The following RFX3 variants were observed in gnomAD, a reference collection of about 807,000 sequenced individuals.
RFX3 encodes the protein transcription factor RFX3.
Under a neutral mutation model 98.6 loss-of-function variants are expected in RFX3, and 14 were observed. The observed-to-expected ratio is 0.14, with a 90% confidence interval of 0.09 to 0.22. The LOEUF (loss-of-function observed/expected upper bound fraction) is 0.22, where lower values mean the gene tolerates loss of function less well. RFX3 is among the 10% of genes least tolerant of loss of function. RFX3 has a pLI of 1.00. For missense variants in RFX3, 639 were observed against 926.9 expected, an observed-to-expected ratio of 0.69 and a Z score of 4.03; for synonymous variants, 383 against 328.4, an observed-to-expected ratio of 1.17 and a Z score of -1.80.
At chr9:3,520,733 T>C (rs1182524679) in intron 1 of RFX3, among the ~76,000 whole-genome samples, 1 of 152,218 alleles carries the variant, frequency 6.6e-6, no homozygotes, top group Non-Finnish European at 1.5e-5. Flanking sequence ...TAAAGTGCAG[T>C]GGCATGATCA....
intron 1 of RFX3, among the ~76,000 whole-genome samples, chr9:3,411,658 G>T (rs1005794995): frequency 1.3e-4 from 19 of 143,232 alleles, no homozygotes; most frequent in South Asian, 2.2e-4. Flanking sequence ...GTGTGTGTGT[G>T]TTTTTTTTTT....
At chr9:3,363,157 G>A (rs1836654216) in intron 2 of RFX3, among the ~76,000 whole-genome samples, 1 of 152,162 alleles carries the variant, frequency 6.6e-6, no homozygotes, top group Non-Finnish European at 1.5e-5. Flanking sequence ...AAATAATACT[G>A]TGGTGACCAG....
At chr9:3,407,603 A>G (rs1170955282) in intron 1 of RFX3, among the ~76,000 whole-genome samples, 2 of 152,148 alleles carry the variant, frequency 1.3e-5, no homozygotes, top group Non-Finnish European at 2.9e-5. Flanking sequence ...TAGGCTAATA[A>G]TATGACAACA....
chr9:3,294,916 C>T (rs941742778), intron 5 of RFX3, among the ~76,000 whole-genome samples: 2 of 151,988 alleles, frequency 1.3e-5, no homozygotes, highest in Non-Finnish European at 2.9e-5. Flanking sequence ...ACAAGGCTGA[C>T]CTATAGAAGT....
At chr9:3,379,249 C>A (rs1013079101) in intron 2 of RFX3, among the ~76,000 whole-genome samples, 27 of 152,162 alleles carry the variant, frequency 1.8e-4, no homozygotes, top group African/African-American at 6.3e-4. Context: ...AGGAAAGGTA[C>A]ATGGGCTAGG....
chr9:3,266,416 C>A, intron 11 of RFX3, 111 bp from the exon 12 acceptor site: 1 of 492,984 alleles, frequency 2.0e-6, no homozygotes, highest in South Asian at 4.5e-5. Context: ...GCACAGAACT[C>A]ATATTGTCCT....
chr9:3,360,609 G>A (rs550711094), intron 2 of RFX3, among the ~76,000 whole-genome samples: 3 of 152,030 alleles, frequency 2.0e-5, no homozygotes, highest in South Asian at 2.1e-4. Context: ...CTCTCTTACT[G>A]ATGCATATTT....
At chr9:3,338,445 CA>C (rs1563949693) in intron 3 of RFX3, among the ~76,000 whole-genome samples, 1 of 152,148 alleles carries the variant, frequency 6.6e-6, no homozygotes, top group African/African-American at 2.4e-5. Flanking sequence ...TGACAATGTA[CA>C]GCATACTGGA....
Position 3,226,501 on chromosome 9 carries a change from C to G in RFX3, c.2012-1221G>C, listed in dbSNP as rs113600570. 9.9e-3 allele frequency among the ~76,000 whole-genome samples: 1,512 copies of G among 152,272 alleles called. 9 individuals carry two copies. The highest frequency in any genetic ancestry group is 0.014 in the African/African-American group (592 of 41,546). ...GAAATGGCAATTTGTGATTAAACAG[C>G]TGGAGATTAACATGCATTACCTAGA... On this transcript the variant is annotated intron_variant, in intron 16 of 16. Coordinates refer to ENST00000617270, the MANE Select transcript of RFX3 (RefSeq NM_001282116.2).
intron 5 of RFX3, 127 bp downstream of exon 5, chr9:3,301,419 T>G (rs941699461): frequency 2.6e-5 from 15 of 570,954 alleles, no homozygotes; most frequent in Non-Finnish European, 4.7e-5. Context: ...ACAGAGATCA[T>G]AAGGGGCTGA....
intron 2 of RFX3, among the ~76,000 whole-genome samples, chr9:3,361,868 G>C (rs901316202): frequency 6.6e-6 from 1 of 151,894 alleles, no homozygotes; most frequent in Non-Finnish European, 1.5e-5. Flanking sequence ...GATTGCTTTA[G>C]CCCGGGAGGT....
At chr9:3,355,835 G>C (rs1835683952) in intron 2 of RFX3, among the ~76,000 whole-genome samples, 1 of 151,792 alleles carries the variant, frequency 6.6e-6, no homozygotes, top group African/African-American at 2.4e-5. Flanking sequence ...TACAGAGCAT[G>C]CTCTCTGACC....
intron 2 of RFX3, among the ~76,000 whole-genome samples, chr9:3,388,261 T>A (rs1173281829): frequency 1.3e-5 from 2 of 152,078 alleles, no homozygotes; most frequent in Admixed American, 1.3e-4. Context: ...TCCTAAAGAT[T>A]AACAGATCAT....
chr9:3,227,998 G>T (rs1036209818), intron 16 of RFX3, among the ~76,000 whole-genome samples: 1 of 152,068 alleles, frequency 6.6e-6, no homozygotes. Flanking sequence ...CCCAGTTTTT[G>T]TGCATTTTGT....
intron 1 of RFX3, among the ~76,000 whole-genome samples, chr9:3,466,261 T>C (rs1482770897): frequency 1.3e-5 from 2 of 152,138 alleles, no homozygotes; most frequent in African/African-American, 2.4e-5. Flanking sequence ...GGTATACATA[T>C]ATGCTTAAGG....
At chr9:3,270,131 GAA>G (rs1320655131) in intron 11 of RFX3, among the ~76,000 whole-genome samples, 1 of 134,162 alleles carries the variant, frequency 7.5e-6, no homozygotes, top group African/African-American at 2.6e-5. Context: ...AGAAAGGAAA[GAA>G]AGAAAGAAAA....
intron 1 of RFX3, among the ~76,000 whole-genome samples, chr9:3,437,442 G>A (rs187646404): frequency 1.3e-5 from 2 of 152,156 alleles, no homozygotes; most frequent in Admixed American, 6.6e-5. Flanking sequence ...AACACAGAAT[G>A]AACAAGAATA....
intron 16 of RFX3, among the ~76,000 whole-genome samples, chr9:3,228,276 T>A (rs963069609): frequency 1.3e-5 from 2 of 152,238 alleles, no homozygotes; most frequent in Non-Finnish European, 2.9e-5. Flanking sequence ...TTGTTGATCT[T>A]GAGGTTCTTC....
intron 9 of RFX3, among the ~76,000 whole-genome samples, chr9:3,274,875 C>T (rs1471754921): frequency 1.3e-5 from 2 of 151,710 alleles, no homozygotes; most frequent in Non-Finnish European, 2.9e-5. Flanking sequence ...TATATCCATA[C>T]ATATGGATAT....
Sources: allele counts gnomAD v4.1 joint callset (sites outside exome capture counted in the v4.1 genomes callset), GRCh38; gene constraint gnomAD v4.1.1; transcripts MANE v1.5; gene names NCBI Gene and HGNC (gene_info 2026-07-23, HGNC 2026-07-21).